KCTD15: variants seen among roughly 807,000 people sequenced by gnomAD.
KCTD15 encodes potassium channel tetramerization domain containing 15.
Under a neutral mutation model 27.2 loss-of-function variants are expected in KCTD15, and 11 were observed. The ratio of observed to expected loss-of-function variants is 0.41; its 90% CI spans 0.25 to 0.67. The LOEUF is 0.67. Ranked by LOEUF, KCTD15 falls within the 30% of genes least tolerant of loss-of-function variation. The pLI is 0.35. For synonymous variants in KCTD15, 163 were observed against 176.0 expected (o/e 0.93, Z 0.58); for missense variants, 350 against 409.3 (o/e 0.86, Z 1.25).
intron 6 of KCTD15, chr19:33,812,365 G>A (rs2145499072): frequency 9.8e-7 from 1 of 1,024,970 alleles, no homozygotes; most frequent in Admixed American, 5.6e-5. Flanking sequence ...AGGGAAGCTG[G>A]TGGATGCCTA....
In KCTD15 at chr19:33,811,288, C is replaced by T. The variant is rs1244081785; in HGVS notation, c.429C>T (p.Leu143=). The T allele has an allele frequency of 6.5e-7, 1 of 1,544,306 alleles. No individual in the cohort carries two copies. Among genetic ancestry groups the T allele is most frequent in the African/African-American group, 1.4e-5 (1 of 73,060 alleles). Residue 143 remains leucine (L), a synonymous_variant, in exon 6 of 7, where the codon CTC becomes CTT. Coordinates refer to ENST00000683859, the MANE Select transcript of KCTD15 (RefSeq NM_001129994.2). ...LLYEEARYYQ[L]QPMVRELERW... ...ACGAGGAGGCGCGCTACTATCAGCT[C>T]CAGCCCATGGTGCGCGAGCTGGAGC...
Position 33,813,111 on chromosome 19 carries a change from C to G in KCTD15, c.*163C>G. 2 of 702,558 alleles carry G rather than the reference C, an allele frequency of 2.8e-6. No individual in the cohort carries two copies. The highest frequency in any genetic ancestry group is 4.8e-6 in the Non-Finnish European group (2 of 413,504). 43.5% of individuals were successfully genotyped at this position (702,558 alleles called of 1,614,324 possible). On this transcript the variant is annotated 3_prime_UTR_variant, in exon 7 of 7. Transcript: ENST00000683859. ...GGTCCCAGGTGTCATGGCAACAGAA[C>G]GTGGGATGCTGGAGGCATGCCTGCA...
chr19:33,806,696 C>T (rs776510246), intron 4 of KCTD15, among the ~76,000 whole-genome samples, 167 bp from the exon 5 acceptor site: 6 of 152,010 alleles, frequency 3.9e-5, no homozygotes, highest in Non-Finnish European at 7.4e-5. Context: ...CCTGGCTGCC[C>T]CAGGTGTGTG....
At chr19:33,808,833 G>A (rs1351634409) in intron 5 of KCTD15, among the ~76,000 whole-genome samples, 2 of 152,112 alleles carry the variant, frequency 1.3e-5, no homozygotes, top group Non-Finnish European at 2.9e-5. Flanking sequence ...GGAGCAAGGT[G>A]GCACATCAGA....
rs752817324 is a variant in KCTD15 at position 33,813,038 on chromosome 19, G to T, written c.*90G>T. On this transcript the variant is annotated 3_prime_UTR_variant, in exon 7 of 7. Transcript: ENST00000683859. The stretch of plus-strand genomic sequence containing the variant: ...TGTGTATACTTGGCCGTGGGCATGA[G>T]ACCGAGGGTGAGGCTGGAGGGTCCA... 6.0e-6 allele frequency: 8 copies of T among 1,343,162 alleles called. No individual in the cohort carries two copies. Among genetic ancestry groups the T allele is most frequent in the Non-Finnish European group, 8.2e-6 (8 of 974,360 alleles). 83.2% of individuals were successfully genotyped at this position (1,343,162 alleles called of 1,614,324 possible). A position where few individuals can be genotyped will look rare whatever the true frequency, so the allele number is the denominator to read the frequency against.
chr19:33,797,446 T>C (rs1307421989), intron 1 of KCTD15: 1 of 452,710 alleles, frequency 2.2e-6, no homozygotes, highest in African/African-American at 2.0e-5. Flanking sequence ...TCAGAGAAAG[T>C]CTCCAGTGGG....
At chr19:33,807,936 ACT>A (rs1402003554) in intron 5 of KCTD15, among the ~76,000 whole-genome samples, 1 of 140,186 alleles carries the variant, frequency 7.1e-6, no homozygotes, top group African/African-American at 2.9e-5. Context: ...ACGGAGCAAG[ACT>A]CTGTCTCAAA....
intron 1 of KCTD15, among the ~76,000 whole-genome samples, chr19:33,797,990 C>T (rs1215710818): frequency 6.6e-6 from 1 of 152,094 alleles, no homozygotes; most frequent in African/African-American, 2.4e-5. Context: ...CTTCGGGTGC[C>T]GCGGCCACCC....
At chr19:33,800,551 C>T (rs754547660) in intron 3 of KCTD15, 31 bp downstream of exon 3, 207 of 1,554,678 alleles carry the variant, frequency 1.3e-4, no homozygotes, top group Admixed American at 1.5e-4. Context: ...GGGTCCCTGC[C>T]GGGAGTTCCC....
chr19:33,811,929 C>G, intron 6 of KCTD15: 2 of 1,546,854 alleles, frequency 1.3e-6, no homozygotes, highest in Non-Finnish European at 1.7e-6. Context: ...GGTCTGGAGC[C>G]CCTTCCCTCT....
At position 33,815,248 on chromosome 19, in the gene KCTD15, T is replaced by C. The variant is rs1423354878; in HGVS notation, c.*2300T>C. 1 of 142,540 alleles carries C rather than the reference T, an allele frequency of 7.0e-6. No individual in the cohort carries two copies. Among genetic ancestry groups the C allele is most frequent in the Non-Finnish European group, 1.6e-5 (1 of 62,996 alleles). The allele number at this position is 142,540 out of a possible 1,614,324, so 8.8% of individuals were successfully genotyped here. ...TCTACCTGACTAAATGTTACTCTAA[T>C]TTATTTATTTCTTTACTAATTAAGT... is the stretch of plus-strand genomic sequence containing the variant. On this transcript the variant is annotated 3_prime_UTR_variant, in exon 7 of 7. Transcript: ENST00000683859.
rs551003604 is a variant in KCTD15, at chr19:33,799,371, T to C, written c.-28+605T>C. 2.0e-5 allele frequency among the ~76,000 whole-genome samples: 3 copies of C among 152,374 alleles called. No individual in the cohort carries two copies. The South Asian group carries it at 6.2e-4, about 32-fold the overall frequency. Reference sequence around the variant, plus strand: ...CAAGAATTTCAAGTGGTTTCTCTCTTAAAGGTTAAACCTTCGAGAGACGTC... The same window carrying C: ...CAAGAATTTCAAGTGGTTTCTCTCTCAAAGGTTAAACCTTCGAGAGACGTC... On this transcript the variant is annotated intron_variant, in intron 2 of 6. Coordinates refer to ENST00000683859, the MANE Select transcript of KCTD15 (RefSeq NM_001129994.2).
intron 4 of KCTD15, among the ~76,000 whole-genome samples, chr19:33,802,411 G>C (rs1975587450): frequency 6.6e-6 from 1 of 152,234 alleles, no homozygotes; most frequent in Admixed American, 6.5e-5. Flanking sequence ...CAGGGAGGAT[G>C]GTAGTGCGCA....
At chr19:33,811,799 A>G (rs1394960621) in intron 6 of KCTD15, 7 of 1,601,284 alleles carry the variant, frequency 4.4e-6, no homozygotes, top group East Asian at 4.5e-5. Flanking sequence ...AGGATGTTCT[A>G]TAAAAATGGC....
chr19:33,795,519 GC>G (rs577320647), upstream of KCTD15, among the ~76,000 whole-genome samples: 2,080 of 151,948 alleles, frequency 0.014, 63 homozygotes, highest in African/African-American at 0.048. Flanking sequence ...CGCCGTTCCG[GC>G]CCGTGCGCAC....
chr19:33,811,907 G>A, intron 6 of KCTD15: 1 of 1,568,856 alleles, frequency 6.4e-7, no homozygotes, highest in Non-Finnish European at 8.6e-7. Context: ...GACAGAGGCT[G>A]AGTGGAAAGG....
rs1230999497 is a variant in KCTD15 at position 33,811,569 on chromosome 19, G to GC, written c.693+22dup. The GC allele has an allele frequency of 1.9e-6, 3 of 1,576,084 alleles. No homozygotes were observed. The highest frequency in any genetic ancestry group is 2.6e-6 in the Non-Finnish European group (3 of 1,158,926). ...TCGGTACAGGTGAGGGCTGCACGCT[G>GC]CCCCCTCCCCGCCGCACCCCCGGCG... On this transcript the variant is annotated intron_variant, in intron 6 of 6. Coordinates refer to ENST00000683859, the MANE Select transcript of KCTD15 (RefSeq NM_001129994.2).
At position 33,814,436 on chromosome 19, in the gene KCTD15, T is replaced by A. The variant is rs1976034476; in HGVS notation, c.*1488T>A. The A allele has an allele frequency of 6.6e-6, 1 of 152,224 alleles. No individual in the cohort carries two copies. Among genetic ancestry groups the A allele is most frequent in the Non-Finnish European group, 1.5e-5 (1 of 68,058 alleles). The allele number at this position is 152,224 out of a possible 1,614,324, so 9.4% of individuals were successfully genotyped here. A position where few individuals can be genotyped will look rare whatever the true frequency, so the allele number is the denominator to read the frequency against. On this transcript the variant is annotated 3_prime_UTR_variant, in exon 7 of 7. Coordinates refer to ENST00000683859, the MANE Select transcript of KCTD15 (RefSeq NM_001129994.2). ...GTGTTATTTATTGCATTTGGGTGCC[T>A]GTCCCCTCAGGGCAGCACAGATTCT...
chr19:33,795,646 G>A (rs113962900), upstream of KCTD15, among the ~76,000 whole-genome samples: 1,549 of 152,194 alleles, frequency 0.01, 33 homozygotes, highest in African/African-American at 0.035. Flanking sequence ...TCGCCGAGGA[G>A]GAGGAGGAGG....
Sources: gnomAD v4.1 joint callset for allele counts (sites outside exome capture counted in the v4.1 genomes callset) on GRCh38, gnomAD v4.1.1 for gene constraint, MANE v1.5 for transcripts, NCBI Gene and HGNC (gene_info 2026-07-23, HGNC 2026-07-21) for gene names.